CADM1: variants seen among roughly 807,000 people sequenced by gnomAD.
CADM1 encodes the protein TSLC-1.
CADM1 carries 15 observed loss-of-function variants against 53.1 expected under a neutral mutation model. The ratio of observed to expected loss-of-function variants is 0.28; its 90% CI spans 0.19 to 0.44. The LOEUF is 0.44. Among genes scored for constraint, CADM1 ranks in the 20% least tolerant of loss-of-function variants. CADM1 has a pLI of 1.00. For synonymous variants in CADM1, 281 were observed against 243.0 expected (o/e 1.16, Z -1.45); for missense variants, 434 against 611.3 (o/e 0.71, Z 3.06).
At chr11:115,255,114 A>T (rs1179195219) in intron 1 of CADM1, among the ~76,000 whole-genome samples, 2 of 152,188 alleles carry the variant, frequency 1.3e-5, no homozygotes, top group Admixed American at 6.5e-5. Flanking sequence ...AGAATACTTC[A>T]GAGGTCAGGC....
At chr11:115,186,446 G>C (rs1939555125) in intron 10 of CADM1, among the ~76,000 whole-genome samples, 1 of 152,182 alleles carries the variant, frequency 6.6e-6, no homozygotes, top group Non-Finnish European at 1.5e-5. Flanking sequence ...GGTGCGCACA[G>C]TGAATTGAAA....
At chr11:115,191,822 C>G (rs1939887393) in intron 9 of CADM1, among the ~76,000 whole-genome samples, 1 of 152,198 alleles carries the variant, frequency 6.6e-6, no homozygotes, top group South Asian at 2.1e-4. Context: ...CTGTTCTGCT[C>G]AAAGTCCAGT....
intron 1 of CADM1, among the ~76,000 whole-genome samples, chr11:115,360,392 G>A (rs1436635111): frequency 6.6e-6 from 1 of 152,176 alleles, no homozygotes; most frequent in South Asian, 2.1e-4. Context: ...CTGCTTACAT[G>A]ATTATTAATG....
chr11:115,177,741 C>A (rs910124314), intron 11 of CADM1, among the ~76,000 whole-genome samples: 1 of 151,264 alleles, frequency 6.6e-6, no homozygotes, highest in Non-Finnish European at 1.5e-5. Flanking sequence ...GGGCAGAGGG[C>A]GAAGTATGGA....
chr11:115,365,790 A>C (rs1462541701), intron 1 of CADM1, among the ~76,000 whole-genome samples: 1 of 152,232 alleles, frequency 6.6e-6, no homozygotes, highest in African/African-American at 2.4e-5. Flanking sequence ...ATTTTCAAAA[A>C]ATCAAACAAA....
intron 1 of CADM1, among the ~76,000 whole-genome samples, chr11:115,455,821 T>C (rs998240127): frequency 3.3e-5 from 5 of 152,202 alleles, no homozygotes; most frequent in Non-Finnish European, 7.3e-5. Context: ...TCCACAACTT[T>C]GTATTCAAAG....
chr11:115,472,379 C>T (rs1949034497), intron 1 of CADM1, among the ~76,000 whole-genome samples: 1 of 152,094 alleles, frequency 6.6e-6, no homozygotes, highest in South Asian at 2.1e-4. Flanking sequence ...GAAGGAAGAG[C>T]ATATATTAGA....
chr11:115,377,777 C>T (rs903626449), intron 1 of CADM1: 3 of 152,128 alleles, frequency 2.0e-5, no homozygotes, highest in Admixed American at 2.0e-4. Context: ...CAGTGGCAAG[C>T]TTCAGTGTGA....
At position 115,350,515 on chromosome 11, in the gene CADM1, T is replaced by TC. The variant is rs1283491885; in HGVS notation, c.125-110096_125-110095insG. On this transcript the variant is annotated intron_variant, in intron 1 of 11. Transcript: ENST00000331581. ...CTATGACCATTCTTTTTTTCTTTTT[T>TC]TTTTTTTTAATAAAAACCACAACAT... 7.4e-4 allele frequency among the ~76,000 whole-genome samples: 111 copies of TC among 150,652 alleles called. 1 individual carries two copies. The highest frequency in any genetic ancestry group is 3.8e-3 in the Admixed American group (57 of 15,158).
chr11:115,175,101 T>TAAA lies in CADM1; in HGVS notation c.*1370_*1372dup. 1 of 985,848 alleles carries TAAA rather than the reference T, an allele frequency of 1.0e-6. No individual in the cohort carries two copies. Among genetic ancestry groups the TAAA allele is most frequent in the Non-Finnish European group, 1.2e-6 (1 of 829,932 alleles). 61.1% of individuals were successfully genotyped at this position (985,848 alleles called of 1,614,324 possible). ...GGCTAGTGTATGAAAGGTAAAAAGA[T>TAAA]AAAAACACTCACATTTGAGTTTTGA... On this transcript the variant is annotated 3_prime_UTR_variant, in exon 12 of 12. Transcript: ENST00000331581.
At chr11:115,452,002 G>A (rs1403445553) in intron 1 of CADM1, among the ~76,000 whole-genome samples, 3 of 152,126 alleles carry the variant, frequency 2.0e-5, no homozygotes, top group Admixed American at 2.0e-4. Flanking sequence ...AAGAGAAACC[G>A]AGGGAGAACT....
intron 1 of CADM1, among the ~76,000 whole-genome samples, chr11:115,498,574 A>G (rs182596001): frequency 9.7e-4 from 148 of 152,352 alleles, no homozygotes; most frequent in Non-Finnish European, 1.9e-3. Flanking sequence ...GCACAACAAT[A>G]AAACTCATCT....
At chr11:115,221,580 T>C (rs777877977) in intron 5 of CADM1, among the ~76,000 whole-genome samples, 9 of 152,208 alleles carry the variant, frequency 5.9e-5, no homozygotes, top group Non-Finnish European at 1.2e-4. Flanking sequence ...CAGATTACAA[T>C]TGATTTCATG....
intron 1 of CADM1, among the ~76,000 whole-genome samples, chr11:115,267,335 T>C (rs982164393): frequency 2.0e-5 from 3 of 152,342 alleles, no homozygotes; most frequent in East Asian, 1.9e-4. Flanking sequence ...CTCTTTTGGA[T>C]GCTAATGTAT....
intron 5 of CADM1, among the ~76,000 whole-genome samples, chr11:115,221,330 C>G (rs575047306): frequency 6.6e-6 from 1 of 152,200 alleles, no homozygotes; most frequent in Non-Finnish European, 1.5e-5. Flanking sequence ...TTTTTTTAAA[C>G]CCTGTAAAAG....
intron 1 of CADM1, among the ~76,000 whole-genome samples, chr11:115,369,677 A>G (rs1565391417): frequency 6.6e-6 from 1 of 152,222 alleles, no homozygotes; most frequent in Non-Finnish European, 1.5e-5. Context: ...ATCACCTAAT[A>G]TTAACAACAG....
intron 5 of CADM1, among the ~76,000 whole-genome samples, chr11:115,223,954 C>T (rs1399900910): frequency 1.5e-5 from 1 of 65,730 alleles, no homozygotes; most frequent in Non-Finnish European, 2.8e-5. Context: ...GAGCGTATTC[C>T]GTTTAAAAAA....
Position 115,345,910 on chromosome 11 carries a change from T to C in CADM1, c.125-105490A>G, listed in dbSNP as rs575607615. On this transcript the variant is annotated intron_variant, in intron 1 of 11. Coordinates refer to ENST00000331581, the MANE Select transcript of CADM1 (RefSeq NM_001301043.2). ...TCTAAATTTAAAAGGAAAATGTACATGCATCTAAGCAATTATCTGAAAAGA... is the reference window on the plus strand; with the variant it reads ...TCTAAATTTAAAAGGAAAATGTACACGCATCTAAGCAATTATCTGAAAAGA... 1.1e-4 allele frequency among the ~76,000 whole-genome samples: 17 copies of C among 148,660 alleles called. No homozygotes were observed. In the Admixed American group the frequency reaches 1.2e-3, roughly 10 times the overall value.
At chr11:115,295,650 T>C (rs911847002) in intron 1 of CADM1, among the ~76,000 whole-genome samples, 3 of 150,434 alleles carry the variant, frequency 2.0e-5, no homozygotes, top group Non-Finnish European at 4.4e-5. Context: ...TGCTTTCTAC[T>C]GAAGAAAATC....
Sources: gnomAD v4.1 joint callset for allele counts (sites outside exome capture counted in the v4.1 genomes callset) on GRCh38, gnomAD v4.1.1 for gene constraint, MANE v1.5 for transcripts, NCBI Gene and HGNC (gene_info 2026-07-23, HGNC 2026-07-21) for gene names.